SLAIN2: variants seen among roughly 807,000 people sequenced by gnomAD.
SLAIN2 encodes SLAIN family member 2.
SLAIN2 carries 31 observed loss-of-function variants against 56.6 expected under a neutral mutation model. That is an observed-to-expected ratio of 0.55 (90% CI 0.41 to 0.74). The LOEUF (loss-of-function observed/expected upper bound fraction) is 0.74, where lower values mean the gene tolerates loss of function less well. Among genes scored for constraint, SLAIN2 ranks in the 30% least tolerant of loss-of-function variants. The pLI, the probability that SLAIN2 is intolerant of heterozygous loss-of-function variation, is 0.00. For missense variants in SLAIN2, 777 were observed against 754.2 expected (o/e 1.03, Z -0.35); for synonymous variants, 317 against 284.9 (o/e 1.11, Z -1.13).
At chr4:48,383,141 C>T (rs2109763264) in intron 5 of SLAIN2, among the ~76,000 whole-genome samples, 1 of 132,770 alleles carries the variant, frequency 7.5e-6, no homozygotes, top group East Asian at 2.2e-4. Context: ...ACACTCCAGT[C>T]TGGGCAACAG....
intron 1 of SLAIN2, among the ~76,000 whole-genome samples, chr4:48,363,958 T>A (rs1285555595): frequency 7.8e-6 from 1 of 128,548 alleles, no homozygotes; most frequent in Admixed American, 7.4e-5. Flanking sequence ...ACGGGGCGGC[T>A]GGCCGGGCAG....
chr4:48,367,625 T>A (rs1715552933), intron 1 of SLAIN2, among the ~76,000 whole-genome samples: 1 of 151,890 alleles, frequency 6.6e-6, no homozygotes, highest in African/African-American at 2.4e-5. Flanking sequence ...AATGAGGGAT[T>A]TGGGGGTGGG....
chr4:48,413,132 G>T (rs1440396065), intron 6 of SLAIN2, among the ~76,000 whole-genome samples: 1 of 152,026 alleles, frequency 6.6e-6, no homozygotes, highest in Admixed American at 6.6e-5. Context: ...GGAGGCTGAG[G>T]CACGAGAGTC....
chr4:48,353,277 T>G (rs905791387), intron 1 of SLAIN2, among the ~76,000 whole-genome samples: 1 of 152,152 alleles, frequency 6.6e-6, no homozygotes, highest in African/African-American at 2.4e-5. Context: ...TAGAACTGCC[T>G]TGGGGAAACT....
intron 6 of SLAIN2, among the ~76,000 whole-genome samples, chr4:48,387,762 C>T (rs1305879494): frequency 6.6e-6 from 1 of 151,616 alleles, no homozygotes; most frequent in Non-Finnish European, 1.5e-5. Context: ...AAAGTGTTAC[C>T]AATTTATCTT....
At position 48,410,429 on chromosome 4, in the gene SLAIN2, T is replaced by C. The variant is rs137950150; in HGVS notation, c.1361-9696T>C. On this transcript the variant is annotated intron_variant, in intron 6 of 7. Coordinates refer to ENST00000264313, the MANE Select transcript of SLAIN2 (RefSeq NM_020846.2). ...GTATCCTTTGAAGCACAAAAGTTCT[T>C]AATTTTGATGAAGTATCATTTATCA... 1.5e-3 allele frequency among the ~76,000 whole-genome samples: 234 copies of C among 152,328 alleles called. 2 individuals are homozygous for C. Among genetic ancestry groups the C allele is most frequent in the African/African-American group, 5.3e-3 (220 of 41,578 alleles).
Position 48,407,140 on chromosome 4 carries a change from G to A in SLAIN2, c.1361-12985G>A, listed in dbSNP as rs185574724. Among the ~76,000 whole-genome samples, 120 of 151,986 alleles carry A rather than the reference G, an allele frequency of 7.9e-4. 2 individuals are homozygous for A. Among genetic ancestry groups the A allele is most frequent in the Admixed American group, 7.8e-3 (119 of 15,280 alleles). ...AACTCCTGTTGTATGCATGTTCGAG[G>A]TTCGTTTCTTGTTTCTAATATTTGT... On this transcript the variant is annotated intron_variant, in intron 6 of 7. Transcript: ENST00000264313.
intron 7 of SLAIN2, among the ~76,000 whole-genome samples, chr4:48,420,853 T>C (rs1717128190): frequency 6.6e-6 from 1 of 152,190 alleles, no homozygotes; most frequent in African/African-American, 2.4e-5. Context: ...TAAGCATGGT[T>C]TTCAAACCCT....
chr4:48,408,899 A>T (rs958477347), intron 6 of SLAIN2, among the ~76,000 whole-genome samples: 1 of 151,938 alleles, frequency 6.6e-6, no homozygotes, highest in South Asian at 2.1e-4. Flanking sequence ...GATGTACCAT[A>T]TTTTGTCTTT....
In SLAIN2 at chr4:48,422,126, A is replaced by G; in HGVS notation, c.*49A>G. The G allele has an allele frequency of 6.6e-7, 1 of 1,514,538 alleles. No homozygotes were observed. The highest frequency in any genetic ancestry group is 9.1e-7 in the Non-Finnish European group (1 of 1,102,828). 93.8% of individuals were successfully genotyped at this position (1,514,538 alleles called of 1,614,324 possible). Reference sequence around the variant, plus strand: ...GTCCACGGCTTCATGGATACCCTTCACCAGGCTAAAAAACAACTTTTATAT... The same window carrying G: ...GTCCACGGCTTCATGGATACCCTTCGCCAGGCTAAAAAACAACTTTTATAT... On this transcript the variant is annotated 3_prime_UTR_variant, in exon 8 of 8. Transcript: ENST00000264313.
At chr4:48,357,564 C>A (rs903802622) in intron 1 of SLAIN2, among the ~76,000 whole-genome samples, 1 of 150,556 alleles carries the variant, frequency 6.6e-6, no homozygotes, top group African/African-American at 2.4e-5. Context: ...ATTTTTTTCC[C>A]CCAAGATGGA....
chr4:48,420,581 A>G, intron 7 of SLAIN2, 138 bp downstream of exon 7: 4 of 952,276 alleles, frequency 4.2e-6, no homozygotes, highest in Non-Finnish European at 6.1e-6. Flanking sequence ...TACCATTTGA[A>G]TAAAACTTTA....
chr4:48,343,178 T>G (rs1714772657), intron 1 of SLAIN2, among the ~76,000 whole-genome samples: 1 of 152,220 alleles, frequency 6.6e-6, no homozygotes, highest in African/African-American at 2.4e-5. Context: ...TCTGAGGTAG[T>G]TAAGAGCTTT....
chr4:48,389,778 G>A (rs777882271), intron 6 of SLAIN2, among the ~76,000 whole-genome samples: 4 of 152,244 alleles, frequency 2.6e-5, no homozygotes, highest in African/African-American at 4.8e-5. Flanking sequence ...GTAAGGGAGC[G>A]GGTACAGCAT....
In SLAIN2 at chr4:48,356,111, C is replaced by T. The variant is rs375937448; in HGVS notation, c.390-13738C>T. On this transcript the variant is annotated intron_variant, in intron 1 of 7. Transcript: ENST00000264313. ...GACAAACTATTAAAAGTCATTATAG[C>T]AGTATGCATTATCATCTTGGATTTG... Among the ~76,000 whole-genome samples, 4 of 152,202 alleles carry T rather than the reference C, an allele frequency of 2.6e-5. No individual in the cohort carries two copies. In the East Asian group the frequency reaches 5.8e-4, roughly 22 times the overall value.
At chr4:48,420,495 G>C (rs1340692083) in intron 7 of SLAIN2, 52 bp downstream of exon 7, 4 of 1,584,862 alleles carry the variant, frequency 2.5e-6, no homozygotes, top group Non-Finnish European at 3.4e-6. Context: ...AAAGTGGATA[G>C]ACTGGAATGA....
chr4:48,410,589 C>T (rs1577737321), intron 6 of SLAIN2, among the ~76,000 whole-genome samples: 1 of 152,208 alleles, frequency 6.6e-6, no homozygotes, highest in African/African-American at 2.4e-5. Context: ...CCCTTCGGTA[C>T]TTGGAGCTTT....
intron 2 of SLAIN2, among the ~76,000 whole-genome samples, chr4:48,375,306 T>G (rs1443979107): frequency 6.6e-6 from 1 of 152,164 alleles, no homozygotes; most frequent in Non-Finnish European, 1.5e-5. Flanking sequence ...TTGTTTTATC[T>G]TGCATCTTGT....
rs1329606777 is a variant in SLAIN2, at chr4:48,425,477, A to T, written c.*3400A>T. 1.3e-5 allele frequency: 2 copies of T among 152,138 alleles called. No homozygotes were observed. Among genetic ancestry groups the T allele is most frequent in the African/African-American group, 4.8e-5 (2 of 41,456 alleles). The allele number at this position is 152,138 out of a possible 1,614,324, so 9.4% of individuals were successfully genotyped here. ...TTCTTGTATGGATGGAAAAATCAAG[A>T]ATTGTACACTGTTTAATGAGTTCTC... On this transcript the variant is annotated 3_prime_UTR_variant, in exon 8 of 8. Transcript: ENST00000264313.
Sources: allele counts gnomAD v4.1 joint callset (sites outside exome capture counted in the v4.1 genomes callset), GRCh38; gene constraint gnomAD v4.1.1; transcripts MANE v1.5; gene names NCBI Gene and HGNC (gene_info 2026-07-23, HGNC 2026-07-21).